The following CUL1 variants were observed in gnomAD, a reference collection of about 807,000 sequenced individuals.
The protein encoded by CUL1 is cullin 1.
CUL1 carries 24 observed loss-of-function variants against 118.0 expected under a neutral mutation model. That is an observed-to-expected ratio of 0.20 (90% CI 0.15 to 0.29). The LOEUF (loss-of-function observed/expected upper bound fraction) is 0.29. Ranked by LOEUF, CUL1 falls within the 10% of genes least tolerant of loss-of-function variation. The pLI, the probability that CUL1 is intolerant of heterozygous loss-of-function variation, is 1.00. For synonymous variants in CUL1, 332 were observed against 340.4 expected (o/e 0.98, Z 0.27); for missense variants, 361 against 933.8 (o/e 0.39, Z 7.99).
chr7:148,768,375 G>C (rs1800076925), intron 9 of CUL1, among the ~76,000 whole-genome samples: 1 of 123,480 alleles, frequency 8.1e-6, no homozygotes, highest in Non-Finnish European at 1.6e-5. Context: ...GAGAAGAAAA[G>C]CTCTTTTTTT....
intron 9 of CUL1, among the ~76,000 whole-genome samples, chr7:148,781,700 G>A (rs1475678975): frequency 6.6e-6 from 1 of 152,182 alleles, no homozygotes; most frequent in Non-Finnish European, 1.5e-5. Context: ...GCAAGCAAGA[G>A]CGTGAGTAAG....
At chr7:148,724,663 T>C (rs1334302851) in intron 1 of CUL1, among the ~76,000 whole-genome samples, 1 of 152,348 alleles carries the variant, frequency 6.6e-6, no homozygotes, top group Admixed American at 6.5e-5. Context: ...CTGCCCCTGC[T>C]GTCGTCCTGC....
At position 148,800,190 on chromosome 7, in the gene CUL1, G is replaced by A. The variant is rs573473179; in HGVS notation, c.2251-312G>A. Among the ~76,000 whole-genome samples, 1 of 152,340 alleles carries A rather than the reference G, an allele frequency of 6.6e-6. No homozygotes were observed. Among genetic ancestry groups the A allele is most frequent in the South Asian group, 2.1e-4 (1 of 4,830 alleles). Reference sequence around the variant, plus strand: ...TCTTGTGAGACTGAGTCCTGCCGCAGAGGCAGGCAGATTTTGGTGGTAGAA... The same window carrying A: ...TCTTGTGAGACTGAGTCCTGCCGCAAAGGCAGGCAGATTTTGGTGGTAGAA... On this transcript the variant is annotated intron_variant, in intron 21 of 21. Coordinates refer to ENST00000325222, the MANE Select transcript of CUL1 (RefSeq NM_003592.3). This position sits in a 1 kb window ranked among gnomAD's most constrained non-coding sequence, Gnocchi z 4.6.
chr7:148,771,631 T>C (rs942859812), intron 9 of CUL1, among the ~76,000 whole-genome samples: 5 of 152,160 alleles, frequency 3.3e-5, no homozygotes, highest in Non-Finnish European at 7.4e-5. Context: ...TCAACTGATA[T>C]GTGAGGCGAT....
rs973034343 is a variant in CUL1, at chr7:148,726,153, T to A, written c.-161-3809T>A. ...AGATTAACAGTACGTTTTAATAGAG[T>A]AAGATTCATAATTGGAATCAGAAAT... On this transcript the variant is annotated intron_variant, in intron 1 of 21. Coordinates refer to ENST00000325222, the MANE Select transcript of CUL1 (RefSeq NM_003592.3). 3.3e-5 allele frequency among the ~76,000 whole-genome samples: 5 copies of A among 152,160 alleles called. 1 individual carries two copies. The highest frequency in any genetic ancestry group is 7.4e-5 in the Non-Finnish European group (5 of 68,022).
At chr7:148,786,943 C>T in intron 12 of CUL1, 46 bp from the exon 13 acceptor site, 6 of 1,590,030 alleles carry the variant, frequency 3.8e-6, no homozygotes, top group Non-Finnish European at 5.1e-6. Context: ...GCACTGTTGG[C>T]TTGTGTGTGT....
At chr7:148,767,812 A>C (rs1216925188) in intron 9 of CUL1, 63 bp downstream of exon 9, 3 of 1,492,122 alleles carry the variant, frequency 2.0e-6, no homozygotes, top group African/African-American at 2.8e-5. Flanking sequence ...CTGCAAGCAT[A>C]TGTTATGCGT....
chr7:148,788,915 G>T (rs1409961148), intron 14 of CUL1, among the ~76,000 whole-genome samples: 2 of 152,196 alleles, frequency 1.3e-5, no homozygotes, highest in African/African-American at 4.8e-5. Flanking sequence ...GTTGGGATCT[G>T]GGGAGGGACT....
At chr7:148,791,557 A>C (rs1032343936) in intron 16 of CUL1, among the ~76,000 whole-genome samples, 1 of 152,220 alleles carries the variant, frequency 6.6e-6, no homozygotes, top group African/African-American at 2.4e-5. Context: ...TTGACGGTGG[A>C]GGCTTTGCCT....
intron 1 of CUL1, among the ~76,000 whole-genome samples, chr7:148,710,878 G>A (rs948851289): frequency 6.6e-6 from 1 of 151,988 alleles, no homozygotes; most frequent in African/African-American, 2.4e-5. Flanking sequence ...ATGTTGGTCA[G>A]GCTGGTCTCG....
chr7:148,719,939 C>T (rs1037421216), intron 1 of CUL1, among the ~76,000 whole-genome samples: 3 of 152,204 alleles, frequency 2.0e-5, no homozygotes, highest in Admixed American at 1.3e-4. Context: ...AAGGAAGCAG[C>T]ATGGGTAACA....
rs189549657 is a variant in CUL1, at chr7:148,753,937, G to A, written c.141-39G>A. The A allele has an allele frequency of 1.1e-5, 16 of 1,464,258 alleles. No individual in the cohort carries two copies. The African/African-American group carries it at 1.1e-4, about 10-fold the overall frequency. 90.7% of individuals were successfully genotyped at this position (1,464,258 alleles called of 1,614,324 possible). Reference sequence around the variant, plus strand: ...TATGTTTATGTTAATGACCGTTAACGTCTGTGATATATGTTGGTTTCCTTA... The same window carrying A: ...TATGTTTATGTTAATGACCGTTAACATCTGTGATATATGTTGGTTTCCTTA... On this transcript the variant is annotated intron_variant, in intron 2 of 21. Transcript: ENST00000325222.
chr7:148,743,181 C>T (rs188892255), intron 2 of CUL1, among the ~76,000 whole-genome samples: 5 of 152,210 alleles, frequency 3.3e-5, no homozygotes, highest in Non-Finnish European at 7.4e-5. Flanking sequence ...TTCAGTGGCC[C>T]AGAAAATAGC....
intron 2 of CUL1, among the ~76,000 whole-genome samples, chr7:148,738,167 G>A (rs1427569870): frequency 6.6e-6 from 1 of 152,182 alleles, no homozygotes; most frequent in Non-Finnish European, 1.5e-5. Context: ...GGTGCTGTGG[G>A]TAACAGAGAC....
chr7:148,778,070 CAAAAAAAAA>C (rs1203417069), intron 9 of CUL1, among the ~76,000 whole-genome samples: 2 of 13,792 alleles, frequency 1.5e-4, no homozygotes, highest in East Asian at 3.3e-3. Context: ...GACCCTGTCT[CAAAAAAAAA>C]AAAAAAAAAA....
At chr7:148,723,505 C>A (rs1381692244) in intron 1 of CUL1, among the ~76,000 whole-genome samples, 1 of 152,138 alleles carries the variant, frequency 6.6e-6, no homozygotes, top group East Asian at 1.9e-4. Context: ...TCATATTTAT[C>A]AGATAGGTAC....
At chr7:148,715,601 C>G (rs753865050) in intron 1 of CUL1, among the ~76,000 whole-genome samples, 3 of 152,144 alleles carry the variant, frequency 2.0e-5, no homozygotes, top group Non-Finnish European at 4.4e-5. Flanking sequence ...TGCCCACGTC[C>G]TTTAAGCACA....
intron 7 of CUL1, among the ~76,000 whole-genome samples, chr7:148,764,845 T>C (rs1227135395): frequency 6.6e-6 from 1 of 152,240 alleles, no homozygotes; most frequent in Non-Finnish European, 1.5e-5. Flanking sequence ...GCACTGTTGC[T>C]GATTATATAA....
intron 7 of CUL1, among the ~76,000 whole-genome samples, chr7:148,763,290 C>G (rs1395383774): frequency 6.6e-6 from 1 of 152,174 alleles, no homozygotes; most frequent in Non-Finnish European, 1.5e-5. Context: ...TCCTGGTTCC[C>G]ATAGAGGGGA....
Sources: gnomAD v4.1 joint callset for allele counts (sites outside exome capture counted in the v4.1 genomes callset) on GRCh38, gnomAD v4.1.1 for gene constraint, Gnocchi (gnomAD v3.1) non-coding constraint, MANE v1.5 for transcripts, NCBI Gene and HGNC (gene_info 2026-07-23, HGNC 2026-07-21) for gene names.